CEP131: variants seen among roughly 807,000 people sequenced by gnomAD.
CEP131 encodes the protein centrosomal protein 131.
Under a neutral mutation model 136.8 loss-of-function variants are expected in CEP131, and 99 were observed. The ratio of observed to expected loss-of-function variants is 0.72; its 90% CI spans 0.62 to 0.86. The LOEUF is 0.86. CEP131 is among the 40% of genes least tolerant of loss of function. CEP131 has a pLI of 0.00. For synonymous variants in CEP131, 646 were observed against 612.7 expected, an observed-to-expected ratio of 1.05 and a Z score of -0.80; for missense variants, 1,459 against 1,463.0, an observed-to-expected ratio of 1.00 and a Z score of 0.04.
At chr17:81,197,524 G>T in intron 13 of CEP131, 188 bp downstream of exon 13, 2 of 863,618 alleles carry the variant, frequency 2.3e-6, no homozygotes, top group Non-Finnish European at 3.4e-6. Flanking sequence ...GGGGGGTGCT[G>T]CATAACTAGG....
At chr17:81,192,921 G>T in intron 18 of CEP131, 78 bp from the exon 19 acceptor site, 1 of 1,526,284 alleles carries the variant, frequency 6.6e-7, no homozygotes, top group South Asian at 1.2e-5. Flanking sequence ...GGCACGGGCC[G>T]ACCACAGGCC....
At chr17:81,201,823 C>T (rs1426786848) in intron 7 of CEP131, among the ~76,000 whole-genome samples, 5 of 152,236 alleles carry the variant, frequency 3.3e-5, no homozygotes, top group South Asian at 4.1e-4. Flanking sequence ...TAAAACAGGC[C>T]GGGGGTGGTG....
chr17:81,189,889 C>T (rs2061600480), intron 25 of CEP131, 26 bp downstream of exon 25: 1 of 1,612,710 alleles, frequency 6.2e-7, no homozygotes, highest in Non-Finnish European at 8.5e-7. Flanking sequence ...CCCCGAGGTC[C>T]AGCAGGGCTG....
chr17:81,190,683 C>G lies in CEP131; in HGVS notation c.3063G>C (p.Thr1021=), dbSNP rs770984487. ...ETRQAKAELA[T]LQARQQLELE... Reference sequence around the variant, plus strand: ...GCTCCAGCTGCTGGCGGGCCTGCAGCGTGGCCAGCTCGGCCTTGGCCTGCC... The same window carrying G: ...GCTCCAGCTGCTGGCGGGCCTGCAGGGTGGCCAGCTCGGCCTTGGCCTGCC... The change falls in exon 24 of 26, where the codon ACG becomes ACC. Residue 1021 remains threonine, a synonymous_variant. Transcript: ENST00000450824. 4.4e-6 allele frequency: 7 copies of G among 1,603,504 alleles called. No homozygotes were observed. Among genetic ancestry groups the G allele is most frequent in the Non-Finnish European group, 5.9e-6 (7 of 1,177,260 alleles).
chr17:81,196,009 T>A, intron 15 of CEP131, 58 bp from the exon 16 acceptor site: 1 of 1,434,224 alleles, frequency 7.0e-7, no homozygotes, highest in Admixed American at 1.7e-5. Flanking sequence ...GCAGGACCCC[T>A]GATGGAGGAG....
chr17:81,196,704 G>A lies in CEP131; in HGVS notation c.1896C>T (p.Asp632=). The A allele has an allele frequency of 1.2e-6, 2 of 1,604,750 alleles. No individual in the cohort carries two copies. Among genetic ancestry groups the A allele is most frequent in the Non-Finnish European group, 1.7e-6 (2 of 1,178,480 alleles). The change falls in exon 15 of 26, where the codon GAC becomes GAT. Residue 632 remains aspartate (D), a synonymous_variant. Transcript: ENST00000450824. ...CTGCGCTCCCCGGGCCGCTCACCTG[G>A]TCAATGAAGGCCAAGTGCCGCTGGA... ...ATIQRHLAFI[D]QLIEDKKVLS...
intron 7 of CEP131, 70 bp downstream of exon 7, chr17:81,202,170 C>G (rs1598292707): frequency 2.4e-6 from 2 of 825,520 alleles, no homozygotes; most frequent in East Asian, 5.2e-5. Context: ...GTGAGCCCCC[C>G]AGACCCTGAT....
chr17:81,219,244 C>T lies in CEP131; in HGVS notation c.177+636G>A, dbSNP rs1453652287. On this transcript the variant is annotated intron_variant, in intron 2 of 25. Coordinates refer to ENST00000450824, the MANE Select transcript of CEP131 (RefSeq NM_014984.4). The surrounding 1 kb of genome is among the most constrained non-coding windows in gnomAD (Gnocchi z 4.0). ...ACCCACACACCCGTCTAGGTTTCTC[C>T]AAGGCCACCAGGAGCTCATCACCCC... Among the ~76,000 whole-genome samples, 2 of 152,124 alleles carry T rather than the reference C, an allele frequency of 1.3e-5. No individual in the cohort carries two copies. The highest frequency in any genetic ancestry group is 2.9e-5 in the Non-Finnish European group (2 of 68,010).
chr17:81,217,305 C>T (rs983372669), intron 2 of CEP131, among the ~76,000 whole-genome samples: 2 of 151,950 alleles, frequency 1.3e-5, no homozygotes, highest in Non-Finnish European at 2.9e-5. Flanking sequence ...GACAGCAGGC[C>T]GTGGACGCAG....
Position 81,219,039 on chromosome 17 carries a change from C to A in CEP131, c.177+841G>T, listed in dbSNP as rs549441689. Among the ~76,000 whole-genome samples the A allele has an allele frequency of 6.6e-6, 1 of 152,332 alleles. No individual in the cohort carries two copies. The highest frequency in any genetic ancestry group is 1.9e-4 in the East Asian group (1 of 5,166). On this transcript the variant is annotated intron_variant, in intron 2 of 25. Coordinates refer to ENST00000450824, the MANE Select transcript of CEP131 (RefSeq NM_014984.4). This position sits in a 1 kb window ranked among gnomAD's most constrained non-coding sequence, Gnocchi z 4.0. ...CTCTGCCCCAACCCCCACAGAGCGG[C>A]TCGATTCCTCCCTTGCCCCAAAGAC...
At chr17:81,221,674 C>G (rs1226376269) in intron 1 of CEP131, among the ~76,000 whole-genome samples, 5 of 152,222 alleles carry the variant, frequency 3.3e-5, no homozygotes, top group Admixed American at 2.6e-4. Flanking sequence ...CATCACTCTT[C>G]ACTCCCCATC....
intron 16 of CEP131, 126 bp downstream of exon 16, chr17:81,195,709 T>C: frequency 2.5e-6 from 2 of 805,598 alleles, no homozygotes; most frequent in East Asian, 2.6e-5. Flanking sequence ...CACCCACCGC[T>C]GTGGCCCTGA....
At chr17:81,212,176 A>G (rs1043713452) in intron 2 of CEP131, among the ~76,000 whole-genome samples, 7 of 151,666 alleles carry the variant, frequency 4.6e-5, no homozygotes, top group African/African-American at 1.5e-4. Context: ...TATATAAATT[A>G]GCCGGGCATG....
At chr17:81,192,690 C>A in intron 19 of CEP131, 46 bp downstream of exon 19, 3 of 1,415,478 alleles carry the variant, frequency 2.1e-6, no homozygotes, top group South Asian at 1.2e-5. Flanking sequence ...GAGGGGTCAG[C>A]CAGCGAGGGG....
chr17:81,210,621 C>T (rs986970628), intron 2 of CEP131, among the ~76,000 whole-genome samples: 11 of 152,162 alleles, frequency 7.2e-5, no homozygotes, highest in African/African-American at 2.6e-4. Flanking sequence ...AAAGGGCTCA[C>T]AGTCCAGTGG....
rs2062026180 is a variant in CEP131, at chr17:81,207,180, C to T, written c.332G>A (p.Arg111Lys). Reference protein sequence around the residue: ...LFEGSPSGKKRPASLSTAPSE... With the variant: ...LFEGSPSGKKKPASLSTAPSE... The stretch of plus-strand genomic sequence containing the variant: ...GGGGGCTGTGCTCAGGCTGGCAGGC[C>T]TCTTTTTCCCACTGGGGCTGCCCTC... Residue 111 changes from arginine (R) to lysine (K), a missense_variant, in exon 4 of 26, where the codon AGG (arginine) becomes AAG (lysine). By Grantham distance (26) the Arg-to-Lys change is conservative (BLOSUM62 2). This residue lies in a region of CEP131 where 187 missense variants were observed against 179.9 expected (regional missense o/e 1.04). Coordinates refer to ENST00000450824, the MANE Select transcript of CEP131 (RefSeq NM_014984.4). 2.5e-6 allele frequency: 4 copies of T among 1,613,576 alleles called. No individual in the cohort carries two copies. The highest frequency in any genetic ancestry group is 3.4e-6 in the Non-Finnish European group (4 of 1,179,936).
intron 7 of CEP131, among the ~76,000 whole-genome samples, chr17:81,202,025 C>T (rs1052883229): frequency 2.0e-5 from 3 of 151,424 alleles, no homozygotes; most frequent in East Asian, 1.9e-4. Context: ...GGTGTGAACC[C>T]GGGAGGCAGA....
intron 15 of CEP131, among the ~76,000 whole-genome samples, chr17:81,196,298 G>A (rs1178115364): frequency 6.6e-6 from 1 of 152,218 alleles, no homozygotes; most frequent in Non-Finnish European, 1.5e-5. Flanking sequence ...AAGGGTGTCA[G>A]GACCACACCA....
Position 81,219,786 on chromosome 17 carries a change from G to T in CEP131, c.177+94C>A. 7.5e-7 allele frequency: 1 copy of T among 1,325,200 alleles called. No individual in the cohort carries two copies. The highest frequency in any genetic ancestry group is 2.7e-5 in the East Asian group (1 of 37,198). 82.1% of individuals were successfully genotyped at this position (1,325,200 alleles called of 1,614,324 possible). Reference sequence around the variant, plus strand: ...CAGCATGTCCAGATGTGAGGCACTTGTTCACCTGTGGAGCTGGACCCAGGG... The same window carrying T: ...CAGCATGTCCAGATGTGAGGCACTTTTTCACCTGTGGAGCTGGACCCAGGG... On this transcript the variant is annotated intron_variant, in intron 2 of 25. Transcript: ENST00000450824. This position sits in a 1 kb window ranked among gnomAD's most constrained non-coding sequence, Gnocchi z 4.0.
Sources: gnomAD v4.1 joint callset for allele counts (sites outside exome capture counted in the v4.1 genomes callset) on GRCh38, gnomAD v4.1.1 for gene constraint, gnomAD v4.1.1 regional missense constraint, Gnocchi (gnomAD v3.1) non-coding constraint, MANE v1.5 for transcripts, NCBI Gene and HGNC (gene_info 2026-07-23, HGNC 2026-07-21) for gene names.